The following RHOBTB1 variants were observed in gnomAD, a reference collection of about 807,000 sequenced individuals.
RHOBTB1 encodes Rho related BTB domain containing 1, also known as rho-related BTB domain-containing protein 1.
RHOBTB1 carries 40 observed loss-of-function variants against 71.6 expected under a neutral mutation model. The observed-to-expected ratio is 0.56, with a 90% CI of 0.43 to 0.73. The LOEUF is 0.73. RHOBTB1 is among the 30% of genes least tolerant of loss of function. The probability of loss-of-function intolerance (pLI) is 0.00; values close to 1 mark genes in which losing one functional copy is unlikely to be tolerated. For synonymous variants in RHOBTB1, 319 were observed against 334.9 expected (o/e 0.95, Z 0.52); for missense variants, 797 against 894.0 (o/e 0.89, Z 1.38).
chr10:60,967,472 A>T lies in RHOBTB1; in HGVS notation c.-62+18373T>A, dbSNP rs558081010. 5.4e-4 allele frequency among the ~76,000 whole-genome samples: 82 copies of T among 152,076 alleles called. 1 individual carries two copies. The South Asian group carries it at 0.017, about 31-fold the overall frequency. ...TGTGTCCAGTCTTTGTTTGCTTTTCAGGTTCAAGGAACACATTGTTCCCTC... is the reference window on the plus strand; with the variant it reads ...TGTGTCCAGTCTTTGTTTGCTTTTCTGGTTCAAGGAACACATTGTTCCCTC... On this transcript the variant is annotated intron_variant, in intron 2 of 11. Coordinates refer to the RHOBTB1 transcript ENST00000357917.
At chr10:60,912,403 T>A (rs2133431612) in intron 2 of RHOBTB1, among the ~76,000 whole-genome samples, 1 of 152,100 alleles carries the variant, frequency 6.6e-6, no homozygotes, top group African/African-American at 2.4e-5. Context: ...CCGGCTAATT[T>A]TTATATTTTT....
chr10:60,906,914 T>C (rs1400145421), intron 4 of RHOBTB1, among the ~76,000 whole-genome samples: 1 of 152,268 alleles, frequency 6.6e-6, no homozygotes. Context: ...GCTCCCGTGA[T>C]TCTCACATGT....
At chr10:60,863,876 G>C in the RHOBTB1 span, among the ~76,000 whole-genome samples, 4 of 152,128 alleles carry the variant, frequency 2.6e-5, no homozygotes, top group African/African-American at 9.7e-5. Context: ...CCCAGCTTCT[G>C]TGTTCTTTGG....
In RHOBTB1 at chr10:60,924,967, T is replaced by G. The variant is rs377099228; in HGVS notation, c.-10-13415A>C. Among the ~76,000 whole-genome samples the G allele has an allele frequency of 9.2e-5, 14 of 152,326 alleles. No homozygotes were observed. In the East Asian group the frequency reaches 2.3e-3, roughly 25 times the overall value. ...GTTAGAGTTGGGGCTTGGTGGCAAG[T>G]GTTTAGATGACGGGGATAGATCACT... is the stretch of plus-strand genomic sequence containing the variant. On this transcript the variant is annotated intron_variant, in intron 2 of 10. Coordinates refer to ENST00000337910, the MANE Select transcript of RHOBTB1 (RefSeq NM_014836.5).
chr10:60,875,893 C>G (rs1340782410), intron 8 of RHOBTB1, among the ~76,000 whole-genome samples: 1 of 152,214 alleles, frequency 6.6e-6, no homozygotes, highest in African/African-American at 2.4e-5. Context: ...TGTGAGGGTA[C>G]AGCCTTGGCT....
intron 2 of RHOBTB1, among the ~76,000 whole-genome samples, chr10:60,913,911 C>T (rs911539789): frequency 6.6e-6 from 1 of 152,100 alleles, no homozygotes; most frequent in African/African-American, 2.4e-5. Flanking sequence ...GTGAGGATTA[C>T]GTGAACTGAT....
intron 2 of RHOBTB1, among the ~76,000 whole-genome samples, chr10:60,973,829 G>A (rs1313401755): frequency 1.3e-5 from 2 of 152,022 alleles, no homozygotes; most frequent in African/African-American, 4.8e-5. Flanking sequence ...TTCAAAGTGA[G>A]GAGGGACACT....
chr10:60,984,173 T>C (rs1341055537), intron 2 of RHOBTB1, among the ~76,000 whole-genome samples: 1 of 152,168 alleles, frequency 6.6e-6, no homozygotes, highest in Admixed American at 6.5e-5. Context: ...AGGGTGCTTG[T>C]AATTCTAAAG....
chr10:60,998,188 G>T (rs2135047556), intron 1 of RHOBTB1, among the ~76,000 whole-genome samples: 1 of 152,236 alleles, frequency 6.6e-6, no homozygotes, highest in East Asian at 1.9e-4. Context: ...CATAATTCAG[G>T]CTCACCCTCT....
the RHOBTB1 span, among the ~76,000 whole-genome samples, chr10:60,861,103 A>T: frequency 6.6e-6 from 1 of 152,316 alleles, no homozygotes; most frequent in East Asian, 1.9e-4. Flanking sequence ...TTGGCAGCAC[A>T]CTGGTGGAAG....
downstream of RHOBTB1, among the ~76,000 whole-genome samples, chr10:60,867,420 C>T (rs915839036): frequency 4.6e-5 from 7 of 152,170 alleles, no homozygotes; most frequent in Non-Finnish European, 8.8e-5. Flanking sequence ...AATACTCCTT[C>T]GAAGCATGGG....
chr10:60,992,453 A>G (rs901417664), intron 1 of RHOBTB1, among the ~76,000 whole-genome samples: 2 of 152,212 alleles, frequency 1.3e-5, no homozygotes, highest in Non-Finnish European at 2.9e-5. Flanking sequence ...GACACAAAGG[A>G]GAGAAGATAT....
At chr10:60,965,009 G>C (rs2085909062) in intron 2 of RHOBTB1, among the ~76,000 whole-genome samples, 1 of 152,026 alleles carries the variant, frequency 6.6e-6, no homozygotes, top group African/African-American at 2.4e-5. Context: ...CTCTGCCTTT[G>C]GGAGAGAATT....
intron 4 of RHOBTB1, among the ~76,000 whole-genome samples, chr10:60,893,516 T>C (rs2082022495): frequency 6.6e-6 from 1 of 152,178 alleles, no homozygotes; most frequent in Non-Finnish European, 1.5e-5. Context: ...TTCCCACTTA[T>C]GCACACATGT....
At chr10:60,972,401 T>A (rs2134688599) in intron 2 of RHOBTB1, among the ~76,000 whole-genome samples, 1 of 152,206 alleles carries the variant, frequency 6.6e-6, no homozygotes, top group Non-Finnish European at 1.5e-5. Flanking sequence ...TGGATGAAGC[T>A]GGAAACCATC....
intron 4 of RHOBTB1, among the ~76,000 whole-genome samples, chr10:60,896,318 A>G (rs79078979): frequency 0.056 from 8,501 of 152,304 alleles, 356 homozygotes; most frequent in Admixed American, 0.096. Context: ...GAGTCAGTTT[A>G]AAAATAATTG....
At chr10:60,868,060 C>G (rs1458482736), downstream of RHOBTB1, among the ~76,000 whole-genome samples, 7 of 152,106 alleles carry the variant, frequency 4.6e-5, no homozygotes, top group African/African-American at 1.7e-4. Context: ...TCCCTTCCTT[C>G]TTTTTTTCTT....
At chr10:60,861,330 T>C in the RHOBTB1 span, among the ~76,000 whole-genome samples, 1 of 152,206 alleles carries the variant, frequency 6.6e-6, no homozygotes, top group Admixed American at 6.5e-5. Flanking sequence ...ATGGAATTTC[T>C]CTAGGGCCAG....
At chr10:60,864,027 C>G in the RHOBTB1 span, among the ~76,000 whole-genome samples, 6 of 152,150 alleles carry the variant, frequency 3.9e-5, no homozygotes, top group Non-Finnish European at 8.8e-5. Context: ...ACTTAGCCTT[C>G]GACCACTCGT....
Sources: gnomAD v4.1 joint callset for allele counts (sites outside exome capture counted in the v4.1 genomes callset) on GRCh38, gnomAD v4.1.1 for gene constraint, MANE v1.5 for transcripts, NCBI Gene and HGNC (gene_info 2026-07-23, HGNC 2026-07-21) for gene names.